Variants in ZNF536 observed in about 807,000 individuals in gnomAD.
ZNF536 encodes zinc finger protein 536.
ZNF536 carries 13 observed loss-of-function variants against 84.5 expected under a neutral mutation model. The ratio of observed to expected loss-of-function variants is 0.15; its 90% CI spans 0.10 to 0.24. The LOEUF is 0.24. ZNF536 is among the 10% of genes least tolerant of loss of function. The pLI is 1.00. For synonymous variants in ZNF536, 811 were observed against 742.5 expected, an observed-to-expected ratio of 1.09 and a Z score of -1.50; for missense variants, 1,536 against 1,747.5, an observed-to-expected ratio of 0.88 and a Z score of 2.16.
chr19:30,691,792 C>T (rs2051420649), intron 1 of ZNF536, among the ~76,000 whole-genome samples: 2 of 152,068 alleles, frequency 1.3e-5, no homozygotes, highest in Admixed American at 6.5e-5. Flanking sequence ...ACTGCAGTTA[C>T]GAGGCAGATG....
chr19:30,518,604 G>A (rs1045602292), intron 2 of ZNF536, among the ~76,000 whole-genome samples: 1 of 152,242 alleles, frequency 6.6e-6, no homozygotes, highest in African/African-American at 2.4e-5. Flanking sequence ...TGTGTACGCA[G>A]CACCGCTTTG....
At chr19:30,628,948 C>A (rs929529979) in intron 1 of ZNF536, among the ~76,000 whole-genome samples, 39 of 152,284 alleles carry the variant, frequency 2.6e-4, no homozygotes, top group Non-Finnish European at 2.4e-4. Context: ...TGTGATCTAC[C>A]TGCCTTGGCC....
chr19:30,314,760 A>G (rs552934289), intron 2 of ZNF536, among the ~76,000 whole-genome samples: 10 of 152,128 alleles, frequency 6.6e-5, no homozygotes, highest in African/African-American at 2.4e-4. Context: ...TGATAGGAGG[A>G]ATGTGCCTGT....
chr19:30,327,081 GC>G (rs2047065553), intron 2 of ZNF536, among the ~76,000 whole-genome samples: 2 of 151,962 alleles, frequency 1.3e-5, no homozygotes, highest in Non-Finnish European at 2.9e-5. Flanking sequence ...TTGCACCACT[GC>G]ACTCCAGTCT....
upstream of ZNF536, among the ~76,000 whole-genome samples, chr19:30,226,120 G>A (rs1305258004): frequency 4.0e-5 from 6 of 151,780 alleles, no homozygotes; most frequent in East Asian, 2.0e-4. The surrounding 1 kb of genome is among the most constrained non-coding windows in gnomAD (Gnocchi z 4.6). Flanking sequence ...CGCGCGATCG[G>A]GACCCCGCGT....
chr19:30,327,731 T>C (rs2047084670), intron 2 of ZNF536, among the ~76,000 whole-genome samples: 1 of 152,188 alleles, frequency 6.6e-6, no homozygotes. Context: ...GGAAGCTCTT[T>C]TTCAGTTCTT....
At chr19:30,511,013 A>G (rs2055391424) in intron 2 of ZNF536, among the ~76,000 whole-genome samples, 1 of 152,182 alleles carries the variant, frequency 6.6e-6, no homozygotes, top group South Asian at 2.1e-4. Context: ...TGGAGAACAA[A>G]GGAAATAACA....
At chr19:30,466,378 C>CAAAA (rs71173905) in intron 2 of ZNF536, among the ~76,000 whole-genome samples, 4 of 136,116 alleles carry the variant, frequency 2.9e-5, no homozygotes, top group African/African-American at 1.0e-4. Flanking sequence ...TCCATTGCTG[C>CAAAA]AAAAAAAAAA....
chr19:30,559,210 G>A (rs1050195034), downstream of ZNF536, among the ~76,000 whole-genome samples: 4 of 152,206 alleles, frequency 2.6e-5, no homozygotes, highest in African/African-American at 9.7e-5. Flanking sequence ...CAGTGCCCAC[G>A]ACTGTTGCCT....
intron 1 of ZNF536, among the ~76,000 whole-genome samples, chr19:30,636,885 G>A (rs1292341483): frequency 6.6e-6 from 1 of 152,122 alleles, no homozygotes; most frequent in Non-Finnish European, 1.5e-5. Flanking sequence ...TGGCTACCCT[G>A]GTTTCGAACA....
intron 3 of ZNF536, among the ~76,000 whole-genome samples, chr19:30,542,468 C>T (rs117034398): frequency 6.6e-5 from 10 of 152,312 alleles, no homozygotes; most frequent in South Asian, 4.1e-4. Context: ...GCTTACTGTA[C>T]GACAGTGCCA....
intron 1 of ZNF536, among the ~76,000 whole-genome samples, chr19:30,677,413 G>C (rs950868692): frequency 6.6e-6 from 1 of 152,214 alleles, no homozygotes; most frequent in Non-Finnish European, 1.5e-5. Flanking sequence ...CATCTGCAGA[G>C]GGCAGCACAG....
At chr19:30,661,549 C>G (rs2050123538) in intron 1 of ZNF536, among the ~76,000 whole-genome samples, 1 of 152,112 alleles carries the variant, frequency 6.6e-6, no homozygotes, top group African/African-American at 2.4e-5. Flanking sequence ...ATGTGTGTTC[C>G]CTCTCACCCA....
chr19:30,691,216 C>T (rs765017949), intron 1 of ZNF536, among the ~76,000 whole-genome samples: 1 of 152,058 alleles, frequency 6.6e-6, no homozygotes, highest in Admixed American at 6.5e-5. Flanking sequence ...CTGTATTAAC[C>T]GTGAGGTCTG....
At chr19:30,677,208 T>C (rs1358744770) in intron 1 of ZNF536, among the ~76,000 whole-genome samples, 1 of 152,252 alleles carries the variant, frequency 6.6e-6, no homozygotes, top group Non-Finnish European at 1.5e-5. Flanking sequence ...ACCAGACACC[T>C]GGCTGGTGCT....
At chr19:30,677,324 C>A (rs1301921388) in intron 1 of ZNF536, among the ~76,000 whole-genome samples, 1 of 152,222 alleles carries the variant, frequency 6.6e-6, no homozygotes, top group Non-Finnish European at 1.5e-5. Context: ...AAGATCTCAA[C>A]AGCCAGGTGA....
At chr19:30,401,189 G>A (rs2050031174) in intron 1 of ZNF536, among the ~76,000 whole-genome samples, 1 of 151,990 alleles carries the variant, frequency 6.6e-6, no homozygotes, top group African/African-American at 2.4e-5. Flanking sequence ...CCTGTGTGGG[G>A]GGCTACTTCT....
intron 1 of ZNF536, among the ~76,000 whole-genome samples, chr19:30,424,212 A>G (rs1046520165): frequency 9.2e-5 from 14 of 152,120 alleles, no homozygotes; most frequent in Non-Finnish European, 2.9e-5. Flanking sequence ...CACTTCCTGC[A>G]CTTTCCAAGG....
At position 30,589,593 on chromosome 19, in the gene ZNF536, C is replaced by G. The variant is rs1200317826; in HGVS notation, c.169+40079C>G. The stretch of plus-strand genomic sequence containing the variant: ...TATTTGGGGGTGATCTCAGGAAGCA[C>G]AGGTAGGGGATAAAGAAATGAAGCA... On this transcript the variant is annotated intron_variant, in intron 1 of 1. Coordinates refer to the ZNF536 transcript ENST00000592773. Among the ~76,000 whole-genome samples, 14 of 152,160 alleles carry G rather than the reference C, an allele frequency of 9.2e-5. No individual in the cohort carries two copies. In the East Asian group the frequency reaches 2.7e-3, roughly 29 times the overall value.
Sources: allele counts gnomAD v4.1 joint callset (sites outside exome capture counted in the v4.1 genomes callset), GRCh38; gene constraint gnomAD v4.1.1; non-coding constraint Gnocchi (gnomAD v3.1); transcripts MANE v1.5; gene names NCBI Gene and HGNC (gene_info 2026-07-23, HGNC 2026-07-21).